CSMD1: variants seen among roughly 807,000 people sequenced by gnomAD.
CSMD1 encodes CUB and sushi domain-containing protein 1.
CSMD1 carries 213 observed loss-of-function variants against 417.5 expected under a neutral mutation model. The observed-to-expected ratio is 0.51, with a 90% CI of 0.46 to 0.57. The LOEUF is 0.57. CSMD1 is among the 20% of genes least tolerant of loss of function. CSMD1 has a pLI of 0.00. For synonymous variants in CSMD1, 2,862 were observed against 1,736.8 expected (o/e 1.65, Z -16.11); for missense variants, 6,923 against 4,529.7 (o/e 1.53, Z -15.17).
At chr8:3,717,053 T>A (rs980573114) in intron 6 of CSMD1, among the ~76,000 whole-genome samples, 2 of 152,186 alleles carry the variant, frequency 1.3e-5, no homozygotes, top group Admixed American at 6.5e-5. Flanking sequence ...CAGGGTTTGC[T>A]GTGGTGAAGT....
chr8:3,660,700 T>C (rs914938799), intron 7 of CSMD1, among the ~76,000 whole-genome samples: 2 of 149,184 alleles, frequency 1.3e-5, no homozygotes, highest in Non-Finnish European at 1.5e-5. Flanking sequence ...TTTATATTTT[T>C]AGTAGAGACA....
chr8:4,709,567 G>T (rs865906325), intron 1 of CSMD1, among the ~76,000 whole-genome samples: 3 of 152,222 alleles, frequency 2.0e-5, no homozygotes, highest in African/African-American at 7.2e-5. Context: ...GTTGCTCACC[G>T]TGGATGGGAA....
intron 1 of CSMD1, among the ~76,000 whole-genome samples, chr8:4,757,936 G>A (rs1477431263): frequency 6.8e-6 from 1 of 147,534 alleles, no homozygotes; most frequent in East Asian, 2.0e-4. Flanking sequence ...CTCCATCCTG[G>A]GCAACAGAGA....
chr8:4,723,809 A>AC (rs1356355905), intron 1 of CSMD1, among the ~76,000 whole-genome samples: 2 of 151,072 alleles, frequency 1.3e-5, no homozygotes, highest in Non-Finnish European at 3.0e-5. Context: ...AACAAAAAAA[A>AC]AACAAAACAA....
chr8:4,886,659 A>G (rs545099002), intron 1 of CSMD1, among the ~76,000 whole-genome samples: 1 of 152,012 alleles, frequency 6.6e-6, no homozygotes, highest in Non-Finnish European at 1.5e-5. Flanking sequence ...TTTTATTTCC[A>G]AGTAATCACA....
chr8:4,487,177 T>C (rs1347894738), intron 2 of CSMD1, among the ~76,000 whole-genome samples: 1 of 152,148 alleles, frequency 6.6e-6, no homozygotes, highest in African/African-American at 2.4e-5. Context: ...TTCTTTTTTA[T>C]TATTATTATT....
At chr8:4,014,994 G>T (rs951221474) in intron 4 of CSMD1, among the ~76,000 whole-genome samples, 2 of 152,180 alleles carry the variant, frequency 1.3e-5, no homozygotes, top group African/African-American at 4.8e-5. Context: ...CAGCAAATAT[G>T]CAAACCACGT....
At chr8:3,952,268 A>C (rs138964285) in intron 5 of CSMD1, among the ~76,000 whole-genome samples, 136 of 152,300 alleles carry the variant, frequency 8.9e-4, no homozygotes, top group African/African-American at 2.6e-3. Context: ...TCCTGAGCAC[A>C]CAGTAAATAC....
At chr8:4,119,269 T>A (rs1330432966) in intron 3 of CSMD1, among the ~76,000 whole-genome samples, 3 of 151,850 alleles carry the variant, frequency 2.0e-5, no homozygotes, top group Non-Finnish European at 2.9e-5. Flanking sequence ...AAAAAAAAAA[T>A]AGAAACAAAT....
intron 5 of CSMD1, among the ~76,000 whole-genome samples, chr8:3,911,748 C>A (rs73499832): frequency 0.024 from 3,688 of 152,204 alleles, 102 homozygotes; most frequent in African/African-American, 0.066. Context: ...AAGACTTTTC[C>A]ATCAGAAATC....
At chr8:3,886,254 G>C (rs906029302) in intron 5 of CSMD1, among the ~76,000 whole-genome samples, 2 of 152,030 alleles carry the variant, frequency 1.3e-5, no homozygotes, top group African/African-American at 4.8e-5. Context: ...TCACCATGTT[G>C]GCCTGGCTGG....
At chr8:4,771,915 C>T (rs1168537902) in intron 1 of CSMD1, among the ~76,000 whole-genome samples, 1 of 152,216 alleles carries the variant, frequency 6.6e-6, no homozygotes, top group East Asian at 1.9e-4. Context: ...TGCCCCTCGG[C>T]TGCTACTCTA....
chr8:4,452,530 A>C (rs1799209301), intron 2 of CSMD1, among the ~76,000 whole-genome samples: 1 of 152,236 alleles, frequency 6.6e-6, no homozygotes, highest in African/African-American at 2.4e-5. Flanking sequence ...TAACTCAACA[A>C]TTATAAAAAT....
chr8:4,890,729 A>G (rs7842795), intron 1 of CSMD1, among the ~76,000 whole-genome samples: 93,055 of 151,982 alleles, frequency 0.61, 28,808 homozygotes, highest in Middle Eastern at 0.72. Context: ...CTGCAAAAGT[A>G]ATTGCGGTGT....
rs116030676 is a variant in CSMD1, at chr8:3,979,340, G to C, written c.818+18563C>G. ...AATCAGGTATCACGCTGTTGTGATG[G>C]CTGTTCTAAGGCATGAGAGAATGAC... On this transcript the variant is annotated intron_variant, in intron 5 of 69. Coordinates refer to ENST00000635120, the MANE Select transcript of CSMD1 (RefSeq NM_033225.6). Among the ~76,000 whole-genome samples the C allele has an allele frequency of 2.4e-3, 368 of 152,334 alleles. 2 individuals are homozygous for C. Among genetic ancestry groups the C allele is most frequent in the African/African-American group, 8.6e-3 (356 of 41,576 alleles).
chr8:3,244,828 C>G (rs897150909), intron 26 of CSMD1, among the ~76,000 whole-genome samples: 4 of 152,222 alleles, frequency 2.6e-5, no homozygotes, highest in African/African-American at 9.6e-5. Flanking sequence ...CGGGATCCGT[C>G]TTCAGCAGGG....
At chr8:3,469,149 C>A (rs1252741503) in intron 11 of CSMD1, 31 of 216,042 alleles carry the variant, frequency 1.4e-4, no homozygotes, top group Admixed American at 5.6e-5. Flanking sequence ...ACAACTGGGA[C>A]AGTCCTGGAA....
At chr8:3,889,468 TATATATATATATATATATATATATAA>T (rs1258937528) in intron 5 of CSMD1, among the ~76,000 whole-genome samples, 3 of 101,558 alleles carry the variant, frequency 3.0e-5, no homozygotes, top group East Asian at 2.8e-4. Flanking sequence ...TATATATATA[TATATATATATATATATATATATATAA>T]AATATGCTCA....
chr8:4,020,376 T>G (rs1038341195), intron 4 of CSMD1, among the ~76,000 whole-genome samples: 1 of 152,214 alleles, frequency 6.6e-6, no homozygotes, highest in African/African-American at 2.4e-5. Flanking sequence ...TGTATTTCAT[T>G]TAATCCTTAA....
Sources: gnomAD v4.1 joint callset for allele counts (sites outside exome capture counted in the v4.1 genomes callset) on GRCh38, gnomAD v4.1.1 for gene constraint, MANE v1.5 for transcripts, NCBI Gene and HGNC (gene_info 2026-07-23, HGNC 2026-07-21) for gene names.